The following TACC2 variants were observed in gnomAD, a reference collection of about 807,000 sequenced individuals.
TACC2 encodes the protein transforming acidic coiled-coil-containing protein 2.
A neutral mutation model predicts 227.3 loss-of-function variants in TACC2; 137 were observed. The ratio of observed to expected loss-of-function variants is 0.60; its 90% CI spans 0.52 to 0.69. The LOEUF (loss-of-function observed/expected upper bound fraction) is 0.69, where lower values mean the gene tolerates loss of function less well. Ranked by LOEUF, TACC2 falls within the 30% of genes least tolerant of loss-of-function variation. The pLI is 0.00. For missense variants in TACC2, 3,470 were observed against 3,694.4 expected (o/e 0.94, Z 1.57); for synonymous variants, 1,523 against 1,487.5 (o/e 1.02, Z -0.55).
chr10:122,038,220 G>C (rs1189217808), intron 2 of TACC2, among the ~76,000 whole-genome samples: 1 of 152,170 alleles, frequency 6.6e-6, no homozygotes, highest in Non-Finnish European at 1.5e-5. Flanking sequence ...AGTGAGCCAA[G>C]ATGGCGCCAC....
At chr10:122,242,684 C>T (rs1416525228) in intron 19 of TACC2, among the ~76,000 whole-genome samples, 1 of 151,980 alleles carries the variant, frequency 6.6e-6, no homozygotes, top group Non-Finnish European at 1.5e-5. Context: ...AAAGATCTTG[C>T]AGAAGTTCTA....
chr10:122,229,293 C>A, intron 14 of TACC2, 53 bp from the exon 15 acceptor site: 1 of 1,605,514 alleles, frequency 6.2e-7, no homozygotes, highest in Non-Finnish European at 8.5e-7. Context: ...ATCAATATCA[C>A]TCTCTGTTCT....
At chr10:122,104,945 A>C (rs530033712) in intron 5 of TACC2, among the ~76,000 whole-genome samples, 1 of 152,344 alleles carries the variant, frequency 6.6e-6, no homozygotes, top group East Asian at 1.9e-4. Context: ...AGACGTAAGC[A>C]TAAGAACCAT....
At chr10:122,225,894 A>G (rs2095618468) in intron 12 of TACC2, among the ~76,000 whole-genome samples, 1 of 152,160 alleles carries the variant, frequency 6.6e-6, no homozygotes, top group Admixed American at 6.5e-5. Context: ...AGGTCTTCCC[A>G]TCACTGAGAG....
intron 1 of TACC2, among the ~76,000 whole-genome samples, chr10:122,020,172 A>G (rs901746177): frequency 3.3e-5 from 5 of 152,214 alleles, no homozygotes; most frequent in African/African-American, 1.2e-4. Flanking sequence ...GATACAAGGA[A>G]GTTAATAACT....
chr10:122,207,423 C>T (rs929324775), intron 8 of TACC2, among the ~76,000 whole-genome samples: 2 of 152,170 alleles, frequency 1.3e-5, no homozygotes, highest in Admixed American at 1.3e-4. Context: ...ATAAGACAGC[C>T]GTTCCCAACC....
At chr10:122,110,903 T>C (rs971880449) in intron 5 of TACC2, among the ~76,000 whole-genome samples, 25 of 152,228 alleles carry the variant, frequency 1.6e-4, no homozygotes, top group Non-Finnish European at 5.9e-5. Context: ...TCGGTAGTGT[T>C]GTGTTCCTTT....
At chr10:122,129,354 G>A (rs1433587358) in intron 5 of TACC2, among the ~76,000 whole-genome samples, 2 of 152,012 alleles carry the variant, frequency 1.3e-5, no homozygotes, top group Non-Finnish European at 2.9e-5. Context: ...TACTGCGCCC[G>A]GCCTACCTTA....
chr10:122,003,111 G>A (rs1254033399), intron 1 of TACC2, among the ~76,000 whole-genome samples: 2 of 151,986 alleles, frequency 1.3e-5, no homozygotes, highest in South Asian at 4.1e-4. Flanking sequence ...GCTGAGGCAG[G>A]AAAATCGCTT....
At chr10:122,124,590 T>C (rs1012868663) in intron 5 of TACC2, among the ~76,000 whole-genome samples, 18 of 152,206 alleles carry the variant, frequency 1.2e-4, no homozygotes, top group African/African-American at 4.3e-4. Context: ...CCCAGCTGCC[T>C]GATGCTGCCG....
intron 2 of TACC2, among the ~76,000 whole-genome samples, chr10:122,043,601 T>G (rs2074621204): frequency 6.6e-6 from 1 of 151,442 alleles, no homozygotes; most frequent in Admixed American, 6.6e-5. Context: ...TCTTTCTTTC[T>G]TACAGAGTCT....
At position 122,050,396 on chromosome 10, in the gene TACC2, C is replaced by G. The variant is rs148393041; in HGVS notation, c.34-42C>G. 3.5e-4 allele frequency: 530 copies of G among 1,500,602 alleles called. No individual in the cohort carries two copies. In the African/African-American group the frequency reaches 6.3e-3, roughly 18 times the overall value. 93.0% of individuals were successfully genotyped at this position (1,500,602 alleles called of 1,614,324 possible). On this transcript the variant is annotated intron_variant, in intron 2 of 22. Coordinates refer to ENST00000369005, the MANE Select transcript of TACC2 (RefSeq NM_206862.4). The surrounding 1 kb of genome is among the most constrained non-coding windows in gnomAD (Gnocchi z 4.6). ...AAATGTTTTTGTGTTTTCAGAGACT[C>G]CTATCTGATTTCCTTTCCAATTTCT... is the stretch of plus-strand genomic sequence containing the variant.
At chr10:122,122,422 G>C (rs1299746870) in intron 5 of TACC2, among the ~76,000 whole-genome samples, 1 of 151,876 alleles carries the variant, frequency 6.6e-6, no homozygotes, top group East Asian at 1.9e-4. Flanking sequence ...AATCATAAAA[G>C]TGGCATTTAA....
chr10:122,028,057 CT>C (rs990423108), intron 2 of TACC2, among the ~76,000 whole-genome samples: 9 of 126,916 alleles, frequency 7.1e-5, no homozygotes, highest in Non-Finnish European at 1.3e-4. Flanking sequence ...GTTTTCTTTT[CT>C]TTTTTTCTTT....
intron 18 of TACC2, among the ~76,000 whole-genome samples, chr10:122,241,427 G>A (rs2095989994): frequency 6.6e-6 from 1 of 152,122 alleles, no homozygotes; most frequent in South Asian, 2.1e-4. Context: ...GAGTAGCTAG[G>A]ATCACAGACG....
intron 1 of TACC2, among the ~76,000 whole-genome samples, chr10:122,014,983 C>G (rs529618039): frequency 1.3e-5 from 2 of 152,078 alleles, no homozygotes; most frequent in African/African-American, 4.8e-5. Flanking sequence ...TTGCAAAAAT[C>G]TTCTCAAGGT....
chr10:122,097,737 A>G (rs117293997), intron 5 of TACC2, among the ~76,000 whole-genome samples: 208 of 152,244 alleles, frequency 1.4e-3, no homozygotes, highest in Admixed American at 2.5e-3. Context: ...GGGGCTGACA[A>G]TGTCTCCTGG....
At chr10:122,043,812 G>A (rs1384160923) in intron 2 of TACC2, among the ~76,000 whole-genome samples, 3 of 152,114 alleles carry the variant, frequency 2.0e-5, no homozygotes, top group Non-Finnish European at 4.4e-5. Context: ...ACTCCTGACC[G>A]CAAGTGATCT....
At chr10:122,012,418 C>CAAAAATAAA (rs1956054917) in intron 1 of TACC2, among the ~76,000 whole-genome samples, 1 of 60,726 alleles carries the variant, frequency 1.6e-5, no homozygotes, top group Non-Finnish European at 2.9e-5. Flanking sequence ...GACTCCGTCT[C>CAAAAATAAA]AAAAAAAAAA....
Sources: allele counts gnomAD v4.1 joint callset (sites outside exome capture counted in the v4.1 genomes callset), GRCh38; gene constraint gnomAD v4.1.1; non-coding constraint Gnocchi (gnomAD v3.1); transcripts MANE v1.5; gene names NCBI Gene and HGNC (gene_info 2026-07-23, HGNC 2026-07-21).